The following C11orf16 variants were observed in gnomAD, a reference collection of about 807,000 sequenced individuals.
C11orf16 encodes the protein chromosome 11 open reading frame 16, also known as uncharacterized protein C11orf16.
C11orf16 carries 38 observed loss-of-function variants against 45.1 expected under a neutral mutation model. The ratio of observed to expected loss-of-function variants is 0.84; its 90% CI spans 0.65 to 1.10. The LOEUF is 1.10. C11orf16 is among the 50% of genes least tolerant of loss of function. The pLI is 0.00. For synonymous variants in C11orf16, 221 were observed against 222.0 expected, an observed-to-expected ratio of 1.00 and a Z score of 0.04; for missense variants, 583 against 569.5, an observed-to-expected ratio of 1.02 and a Z score of -0.24.
chr11:8,920,372 C>T lies in C11orf16; in HGVS notation c.*101G>A. The T allele has an allele frequency of 3.1e-6, 2 of 641,452 alleles. No homozygotes were observed. Among genetic ancestry groups the T allele is most frequent in the Non-Finnish European group, 5.6e-6 (2 of 358,086 alleles). The allele number at this position is 641,452 out of a possible 1,614,324, so 39.7% of individuals were successfully genotyped here. On this transcript the variant is annotated 3_prime_UTR_variant, in exon 7 of 7. Transcript: ENST00000326053. ...TTGACTGTTACCTGTGGCCTGTCCT[C>T]TGCCTCCTTCCGTTGAAGAAGGCCT...
chr11:8,924,318 G>A (rs2064593956), intron 5 of C11orf16, among the ~76,000 whole-genome samples: 1 of 152,072 alleles, frequency 6.6e-6, no homozygotes, highest in South Asian at 2.1e-4. Context: ...TTAGGCCAGG[G>A]GTTCGAGACC....
intron 3 of C11orf16, 47 bp downstream of exon 3, chr11:8,929,330 G>A (rs1294946959): frequency 6.3e-7 from 1 of 1,581,616 alleles, no homozygotes; most frequent in Non-Finnish European, 8.6e-7. Context: ...GTATGACAAG[G>A]CCACCCAGAG....
chr11:8,925,291 C>T (rs1319485883), intron 5 of C11orf16, among the ~76,000 whole-genome samples, 172 bp downstream of exon 5: 1 of 152,228 alleles, frequency 6.6e-6, no homozygotes, highest in Non-Finnish European at 1.5e-5. Context: ...AAATGGAAAC[C>T]TGCTATTTCC....
At chr11:8,922,624 CAG>C (rs1300623641) in intron 5 of C11orf16, among the ~76,000 whole-genome samples, 1 of 152,134 alleles carries the variant, frequency 6.6e-6, no homozygotes, top group East Asian at 1.9e-4. Flanking sequence ...GTGTGGAGGA[CAG>C]AGAAACCTAT....
intron 6 of C11orf16, 87 bp downstream of exon 6, chr11:8,921,207 A>T: frequency 1.0e-6 from 1 of 989,824 alleles, no homozygotes; most frequent in Non-Finnish European, 1.5e-6. Context: ...CATAGGTTTT[A>T]CTGTTCTCAA....
chr11:8,930,556 G>A (rs1476955446), intron 2 of C11orf16, among the ~76,000 whole-genome samples: 2 of 152,016 alleles, frequency 1.3e-5, no homozygotes, highest in South Asian at 4.1e-4. Flanking sequence ...ACTTGATGCT[G>A]TGGGGTCAGA....
chr11:8,924,821 C>T (rs1047192186), intron 5 of C11orf16, among the ~76,000 whole-genome samples: 4 of 152,140 alleles, frequency 2.6e-5, no homozygotes, highest in African/African-American at 4.8e-5. Context: ...TTCCAGACTC[C>T]GTTGGGAATT....
At position 8,925,497 on chromosome 11, in the gene C11orf16, CTT is replaced by C; in HGVS notation, c.1168_1169del (p.Lys390GlufsTer5). On this transcript the variant is annotated frameshift_variant, in exon 5 of 7. Coordinates refer to ENST00000326053, the MANE Select transcript of C11orf16 (RefSeq NM_020643.3). LOFTEE classifies it high-confidence loss of function. The part of the protein sequence containing the change: ...GLCQPEWRYW[K>X]RNGPEPCLGK... ...CAAGGCATGGCTCAGGCCCGTTTCT[CTT>C]CCAATACCTCCACTCAGGCTGGCAG... 1 of 1,614,130 alleles carries C rather than the reference CTT, an allele frequency of 6.2e-7. No individual in the cohort carries two copies. The highest frequency in any genetic ancestry group is 8.5e-7 in the Non-Finnish European group (1 of 1,180,002).
intron 5 of C11orf16, among the ~76,000 whole-genome samples, chr11:8,922,419 T>G (rs894261545): frequency 9.2e-5 from 14 of 152,108 alleles, no homozygotes; most frequent in Admixed American, 9.2e-4. Context: ...ATGGGAGATG[T>G]GACTTCCTGA....
In C11orf16 at chr11:8,920,211, T is replaced by A. The variant is rs1050997484; in HGVS notation, c.*262A>T. 1 of 393,288 alleles carries A rather than the reference T, an allele frequency of 2.5e-6. No individual in the cohort carries two copies. The highest frequency in any genetic ancestry group is 4.5e-6 in the Non-Finnish European group (1 of 223,216). 24.4% of individuals were successfully genotyped at this position (393,288 alleles called of 1,614,324 possible). A position where few individuals can be genotyped will look rare whatever the true frequency, so the allele number is the denominator to read the frequency against. On this transcript the variant is annotated 3_prime_UTR_variant, in exon 7 of 7. Coordinates refer to ENST00000326053, the MANE Select transcript of C11orf16 (RefSeq NM_020643.3). Reference sequence around the variant, plus strand: ...GACCCCCTCTTCCACGGAAGAGGCATCTTAAAGCAGTTTCACCAGGGCCCT... The same window carrying A: ...GACCCCCTCTTCCACGGAAGAGGCAACTTAAAGCAGTTTCACCAGGGCCCT...
rs762839735 is a variant in C11orf16, at chr11:8,925,931, G to T, written c.736C>A (p.Leu246Ile). The stretch of plus-strand genomic sequence containing the variant: ...GTGATGCGCCCAGTGATTGGCCCTA[G>T]CAGAGAGCAGCAAGGGGCCCAGTGA... The part of the protein sequence containing the change: ...PLHWAPCCSL[L>I]GPITGRITNE... The change falls in exon 5 of 7, where the codon CTA (leucine) becomes ATA (isoleucine). Residue 246 changes from leucine (L) to isoleucine (I), a missense_variant. Leu to Ile is a conservative substitution (Grantham distance 5). Transcript: ENST00000326053. 1.9e-6 allele frequency: 3 copies of T among 1,614,208 alleles called. No homozygotes were observed. The highest frequency in any genetic ancestry group is 3.3e-4 in the Middle Eastern group (2 of 6,062).
chr11:8,932,159 C>G lies in C11orf16; in HGVS notation c.150G>C (p.Gly50=). 2 of 1,582,990 alleles carry G rather than the reference C, an allele frequency of 1.3e-6. No individual in the cohort carries two copies. The highest frequency in any genetic ancestry group is 1.7e-6 in the Non-Finnish European group (2 of 1,165,080). The stretch of plus-strand genomic sequence containing the variant: ...ACAGGTACCTTGCAAGGGGCTTGTG[C>G]CCGGTGAGCCAGGGTGCTTGGAGGG... The part of the protein sequence containing the change: ...PFALQAPWLT[G]HKPLARHASS... Residue 50 remains glycine, a synonymous_variant, in exon 2 of 7, where the codon GGG becomes GGC. Coordinates refer to ENST00000326053, the MANE Select transcript of C11orf16 (RefSeq NM_020643.3).
intron 3 of C11orf16, 72 bp from the exon 4 acceptor site, chr11:8,927,246 C>T (rs1361339452): frequency 1.6e-5 from 19 of 1,211,532 alleles, no homozygotes; most frequent in Non-Finnish European, 2.0e-5. Context: ...AGGTTCCCTA[C>T]GATGCCCCCC....
In C11orf16 at chr11:8,925,852, G is replaced by T; in HGVS notation, c.815C>A (p.Ala272Asp). The change falls in exon 5 of 7, where the codon GCC becomes GAC. Residue 272 changes from alanine to aspartate, a missense_variant. Coordinates refer to ENST00000326053, the MANE Select transcript of C11orf16 (RefSeq NM_020643.3). ...PFLCPLCHHH[A>D]CCQLLCQGCL... ...GCCCTGGCACAGTAGCTGGCAGCAG[G>T]CATGATGGTGGCAGAGAGGGCACAG... 1 of 1,614,212 alleles carries T rather than the reference G, an allele frequency of 6.2e-7. No homozygotes were observed. The highest frequency in any genetic ancestry group is 8.5e-7 in the Non-Finnish European group (1 of 1,180,042).
At chr11:8,922,783 AC>A (rs1329765267) in intron 5 of C11orf16, among the ~76,000 whole-genome samples, 2 of 152,262 alleles carry the variant, frequency 1.3e-5, no homozygotes, top group African/African-American at 4.8e-5. Context: ...TTTAAAAGAT[AC>A]AAAACCTGGA....
At chr11:8,932,639 A>C (rs2064657287) in intron 1 of C11orf16, among the ~76,000 whole-genome samples, 2 of 152,142 alleles carry the variant, frequency 1.3e-5, no homozygotes, top group South Asian at 4.1e-4. Context: ...CTCAGGATAG[A>C]ATACATGGAA....
chr11:8,921,223 A>G, intron 6 of C11orf16, 71 bp downstream of exon 6: 1 of 1,179,226 alleles, frequency 8.5e-7, no homozygotes, highest in Non-Finnish European at 1.2e-6. Context: ...CTCAAAGGGG[A>G]TGTGACCCAA....
At chr11:8,932,087 A>G in intron 2 of C11orf16, 55 bp downstream of exon 2, 1 of 1,482,320 alleles carries the variant, frequency 6.7e-7, no homozygotes, top group Non-Finnish European at 9.0e-7. Flanking sequence ...AACAGCCAAG[A>G]ACAAAGGAAA....
intron 3 of C11orf16, chr11:8,927,547 A>G (rs2568075): frequency 0.33 from 148,044 of 451,408 alleles, 26,633 homozygotes; most frequent in South Asian, 0.44. Context: ...TCCTCCTTCC[A>G]GCACCCCCAA....
Sources: allele counts gnomAD v4.1 joint callset (sites outside exome capture counted in the v4.1 genomes callset), GRCh38; gene constraint gnomAD v4.1.1; transcripts MANE v1.5; gene names NCBI Gene and HGNC (gene_info 2026-07-23, HGNC 2026-07-21).